The following NPR3 variants were observed in gnomAD, a reference collection of about 807,000 sequenced individuals.
NPR3 encodes atrial natriuretic peptide receptor 3.
In NPR3, 34 loss-of-function variants were observed where a neutral mutation model predicts 54.5. That is an observed-to-expected ratio of 0.62 (90% CI 0.47 to 0.83). NPR3 has a LOEUF of 0.83. Among genes scored for constraint, NPR3 ranks in the 40% least tolerant of loss-of-function variants. The probability of loss-of-function intolerance (pLI) is 0.00; values close to 1 mark genes in which losing one functional copy is unlikely to be tolerated. For missense variants in NPR3, 674 were observed against 720.8 expected, an observed-to-expected ratio of 0.94 and a Z score of 0.74; for synonymous variants, 289 against 297.1, an observed-to-expected ratio of 0.97 and a Z score of 0.28.
chr5:32,753,088 A>G (rs1436100849), intron 3 of NPR3, among the ~76,000 whole-genome samples: 1 of 152,208 alleles, frequency 6.6e-6, no homozygotes, highest in Admixed American at 6.5e-5. Flanking sequence ...AAGTGGTACA[A>G]TCTGAAAATG....
intron 1 of NPR3, chr5:32,713,601 C>T (rs2111848367): frequency 2.0e-6 from 1 of 494,816 alleles, no homozygotes; most frequent in East Asian, 1.5e-4. Flanking sequence ...CAAAGCTCCC[C>T]GAGACCCCAG....
chr5:32,769,743 A>G (rs1359331487), intron 3 of NPR3, among the ~76,000 whole-genome samples: 2 of 152,216 alleles, frequency 1.3e-5, no homozygotes, highest in African/African-American at 2.4e-5. Flanking sequence ...CCTCTATCTG[A>G]GAGCTTGACA....
intron 3 of NPR3, among the ~76,000 whole-genome samples, chr5:32,750,400 T>G (rs2111979857): frequency 6.6e-6 from 1 of 152,266 alleles, no homozygotes; most frequent in East Asian, 1.9e-4. Context: ...CCTTCCAAAG[T>G]GCTGGGATTA....
intron 2 of NPR3, among the ~76,000 whole-genome samples, chr5:32,734,230 C>T (rs1448316813): frequency 6.6e-6 from 1 of 152,146 alleles, no homozygotes; most frequent in African/African-American, 2.4e-5. Flanking sequence ...GATATTTTCT[C>T]TCCTTAAATG....
chr5:32,708,648 G>A (rs898581209), upstream of NPR3, among the ~76,000 whole-genome samples: 1 of 152,134 alleles, frequency 6.6e-6, no homozygotes, highest in Admixed American at 6.5e-5. Flanking sequence ...AGAGTAAGGG[G>A]TGTCAGGCTG....
intron 2 of NPR3, among the ~76,000 whole-genome samples, chr5:32,732,437 T>C (rs1344272347): frequency 6.6e-6 from 1 of 152,136 alleles, no homozygotes; most frequent in African/African-American, 2.4e-5. Flanking sequence ...TAACTTCTGC[T>C]TACATTTCAC....
At chr5:32,695,657 CT>C (rs1272575270) in intron 1 of NPR3, among the ~76,000 whole-genome samples, 2 of 152,210 alleles carry the variant, frequency 1.3e-5, no homozygotes, top group African/African-American at 4.8e-5. Context: ...CAAGAGTTCC[CT>C]TTTCTTCACT....
intron 1 of NPR3, among the ~76,000 whole-genome samples, chr5:32,721,010 G>A (rs113811158): frequency 1.3e-5 from 2 of 152,182 alleles, no homozygotes; most frequent in Non-Finnish European, 2.9e-5. Flanking sequence ...CCTTTTGATT[G>A]TATAAAGGCA....
intron 3 of NPR3, 105 bp downstream of exon 3, chr5:32,739,135 A>G: frequency 1.7e-6 from 2 of 1,147,972 alleles, no homozygotes; most frequent in Non-Finnish European, 2.4e-6. Flanking sequence ...AAAAATTCCT[A>G]GGTTCAGGTC....
At chr5:32,728,837 G>GTGTGTATATA (rs1328627035) in intron 2 of NPR3, among the ~76,000 whole-genome samples, 1 of 48,012 alleles carries the variant, frequency 2.1e-5, no homozygotes, top group Non-Finnish European at 3.6e-5. Context: ...GTGTGTGTGT[G>GTGTGTATATA]TATATATATA....
At chr5:32,746,469 G>A (rs756562755) in intron 3 of NPR3, among the ~76,000 whole-genome samples, 4 of 152,104 alleles carry the variant, frequency 2.6e-5, no homozygotes, top group East Asian at 1.9e-4. Context: ...GATAGGGTAC[G>A]ACAACATCGT....
intron 2 of NPR3, among the ~76,000 whole-genome samples, chr5:32,736,232 AAAAAAAAAAAAAAAAAG>A (rs1488939640): frequency 9.1e-6 from 1 of 110,174 alleles, no homozygotes; most frequent in Non-Finnish European, 1.9e-5. Context: ...CTCTGTCTCA[AAAAAAAAAAAAAAAAAG>A]AAAAAAAAAA....
rs556531620 is a variant in NPR3 at position 32,695,617 on chromosome 5, A to T, written c.100+6431A>T. Among the ~76,000 whole-genome samples the T allele has an allele frequency of 1.8e-4, 28 of 152,292 alleles. 1 individual carries two copies. In the East Asian group the frequency reaches 2.9e-3, roughly 16 times the overall value. On this transcript the variant is annotated intron_variant, in intron 1 of 5. Coordinates refer to the NPR3 transcript ENST00000509104. Reference sequence around the variant, plus strand: ...CTCCAACCTGTTCTCCATAGTGGTTATTCTAGTTTACATTCCCACCAACAG... The same window carrying T: ...CTCCAACCTGTTCTCCATAGTGGTTTTTCTAGTTTACATTCCCACCAACAG...
chr5:32,744,633 T>TA (rs2111964994), intron 3 of NPR3, among the ~76,000 whole-genome samples: 1 of 152,314 alleles, frequency 6.6e-6, no homozygotes, highest in East Asian at 1.9e-4. Context: ...TCATTTCTCT[T>TA]ACTTTTGTTT....
intron 1 of NPR3, among the ~76,000 whole-genome samples, chr5:32,698,315 T>C (rs528706944): frequency 6.6e-6 from 1 of 152,258 alleles, no homozygotes; most frequent in East Asian, 1.9e-4. Flanking sequence ...CCCTTATTTT[T>C]TATTTCAAGT....
At chr5:32,779,791 A>G (rs1742243539) in intron 4 of NPR3, among the ~76,000 whole-genome samples, 1 of 152,230 alleles carries the variant, frequency 6.6e-6, no homozygotes, top group Non-Finnish European at 1.5e-5. Flanking sequence ...TATAAAATAA[A>G]TAGTAGTAAT....
At chr5:32,777,911 A>T (rs1742144872) in intron 4 of NPR3, among the ~76,000 whole-genome samples, 2 of 152,206 alleles carry the variant, frequency 1.3e-5, no homozygotes, top group African/African-American at 2.4e-5. Flanking sequence ...CAATACACTG[A>T]GAACCTGGCA....
At chr5:32,710,643 C>A, upstream of NPR3, 1 of 1,474,960 alleles carries the variant, frequency 6.8e-7, no homozygotes, top group Non-Finnish European at 9.0e-7. Flanking sequence ...CCCGGGCCAG[C>A]CGGGCACACC....
chr5:32,700,747 T>C (rs886799252), intron 1 of NPR3, among the ~76,000 whole-genome samples: 1 of 152,184 alleles, frequency 6.6e-6, no homozygotes, highest in African/African-American at 2.4e-5. Flanking sequence ...TATGGCTGCA[T>C]AGTATTCCAT....
Sources: gnomAD v4.1 joint callset for allele counts (sites outside exome capture counted in the v4.1 genomes callset) on GRCh38, gnomAD v4.1.1 for gene constraint, MANE v1.5 for transcripts, NCBI Gene and HGNC (gene_info 2026-07-23, HGNC 2026-07-21) for gene names.